The following SKIL variants were observed in gnomAD, a reference collection of about 807,000 sequenced individuals.
SKIL encodes the protein ski-like protein.
Under a neutral mutation model 69.6 loss-of-function variants are expected in SKIL, and 20 were observed. The observed-to-expected ratio is 0.29, with a 90% CI of 0.20 to 0.42. The LOEUF (loss-of-function observed/expected upper bound fraction) is 0.42. Ranked by LOEUF, SKIL falls within the 10% of genes least tolerant of loss-of-function variation. The pLI is 1.00. For missense variants in SKIL, 745 were observed against 783.1 expected (o/e 0.95, Z 0.58); for synonymous variants, 310 against 279.9 (o/e 1.11, Z -1.08).
rs1176664213 is a variant in SKIL at position 170,360,841 on chromosome 3, C to T, written c.510C>T (p.Val170=). 1 of 1,614,174 alleles carries T rather than the reference C, an allele frequency of 6.2e-7. No individual in the cohort carries two copies. The highest frequency in any genetic ancestry group is 8.5e-7 in the Non-Finnish European group (1 of 1,180,036). The change falls in exon 2 of 7, where the codon GTC becomes GTT. Residue 170 remains valine (V), a synonymous_variant. Transcript: ENST00000259119. ...AAAAGAGACTCTGTTTGCCCCAAGT[C>T]TTAAATTCTGTTCTCCGAGAATTTA... ...GGEKRLCLPQ[V]LNSVLREFTL... is the part of the protein sequence containing the mutation.
intron 2 of SKIL, among the ~76,000 whole-genome samples, chr3:170,368,891 T>C (rs1736665973): frequency 6.6e-6 from 1 of 152,214 alleles, no homozygotes; most frequent in Admixed American, 6.5e-5. Context: ...GCCCATTCCA[T>C]TTATTCGGTT....
chr3:170,390,435 A>G lies in SKIL; in HGVS notation c.1642A>G (p.Ile548Val). ...YLKQQEKLNL[I>V]LQKKQQLQME... is the part of the protein sequence containing the mutation. Reference sequence around the variant, plus strand: ...AAAACAACAGGAAAAACTAAACTTGATTTTGCAAAAGAAGCAACAACTTCA... The same window carrying G: ...AAAACAACAGGAAAAACTAAACTTGGTTTTGCAAAAGAAGCAACAACTTCA... Residue 548 changes from isoleucine to valine, a missense_variant, in exon 5 of 7, where the codon ATT becomes GTT. Ile to Val is a conservative substitution (Grantham distance 29, BLOSUM62 3). Transcript: ENST00000259119. The G allele has an allele frequency of 1.2e-6, 2 of 1,612,102 alleles. No individual in the cohort carries two copies. Among genetic ancestry groups the G allele is most frequent in the Non-Finnish European group, 1.7e-6 (2 of 1,178,324 alleles).
At position 170,361,489 on chromosome 3, in the gene SKIL, A is replaced by T. The variant is rs181159136; in HGVS notation, c.1098+60A>T. The T allele has an allele frequency of 4.0e-6, 5 of 1,265,582 alleles. No individual in the cohort carries two copies. The East Asian group carries it at 1.2e-4, about 29-fold the overall frequency. 78.4% of individuals were successfully genotyped at this position (1,265,582 alleles called of 1,614,324 possible). A position where few individuals can be genotyped will look rare whatever the true frequency, so the allele number is the denominator to read the frequency against. On this transcript the variant is annotated intron_variant, in intron 2 of 6. Coordinates refer to ENST00000259119, the MANE Select transcript of SKIL (RefSeq NM_005414.5). Reference sequence around the variant, plus strand: ...TGGTTTACTTTGAAATGAAAATTCTATGTTTAGTGTGTAACTTAACCTGTA... The same window carrying T: ...TGGTTTACTTTGAAATGAAAATTCTTTGTTTAGTGTGTAACTTAACCTGTA...
intron 2 of SKIL, among the ~76,000 whole-genome samples, chr3:170,378,336 T>G (rs1031373544): frequency 2.0e-5 from 3 of 152,202 alleles, no homozygotes; most frequent in Non-Finnish European, 4.4e-5. Flanking sequence ...GGTTTCTTCA[T>G]TCTCATTGAT....
rs142079654 is a variant in SKIL at position 170,360,905 on chromosome 3, A to G, written c.574A>G (p.Ile192Val). The G allele has an allele frequency of 2.1e-4, 334 of 1,614,148 alleles. 3 individuals carry two copies. In the East Asian group the frequency reaches 7.3e-3, roughly 35 times the overall value. Residue 192 changes from isoleucine (I) to valine (V), a missense_variant, in exon 2 of 7, where the codon ATA (isoleucine) becomes GTA (valine). Ile to Val is a conservative substitution (Grantham distance 29, BLOSUM62 3). Transcript: ENST00000259119. Reference protein sequence around the residue: ...QINTVCDELYIYCSRCTSDQL... With the variant: ...QINTVCDELYVYCSRCTSDQL... Reference sequence around the variant, plus strand: ...AAATACAGTGTGTGATGAACTGTACATATATTGTTCAAGGTGTACTTCAGA... The same window carrying G: ...AAATACAGTGTGTGATGAACTGTACGTATATTGTTCAAGGTGTACTTCAGA...
chr3:170,363,528 C>T (rs1448953562), intron 2 of SKIL, among the ~76,000 whole-genome samples: 2 of 152,018 alleles, frequency 1.3e-5, no homozygotes, highest in Non-Finnish European at 2.9e-5. Context: ...TCCTGTTGCC[C>T]AGGCTAGAGC....
At chr3:170,362,371 C>T (rs1266527996) in intron 2 of SKIL, among the ~76,000 whole-genome samples, 3 of 150,238 alleles carry the variant, frequency 2.0e-5, no homozygotes, top group South Asian at 2.1e-4. Context: ...GATGTGGTGT[C>T]GCACACTTGT....
At chr3:170,385,796 CTTTCTTTT>C (rs1178440307) in intron 4 of SKIL, among the ~76,000 whole-genome samples, 1 of 150,116 alleles carries the variant, frequency 6.7e-6, no homozygotes, top group African/African-American at 2.4e-5. Context: ...TTCTTTCTTT[CTTTCTTTT>C]TTTTCTTTTT....
chr3:170,361,583 A>AT (rs1295946151), intron 2 of SKIL, among the ~76,000 whole-genome samples, 154 bp downstream of exon 2: 2 of 152,206 alleles, frequency 1.3e-5, no homozygotes, highest in Non-Finnish European at 2.9e-5. Flanking sequence ...TTTTTAGGCC[A>AT]TAAAGTGCTT....
chr3:170,387,273 C>G (rs1383854598), intron 4 of SKIL, among the ~76,000 whole-genome samples: 1 of 152,102 alleles, frequency 6.6e-6, no homozygotes, highest in East Asian at 1.9e-4. Flanking sequence ...CCACCCGCCT[C>G]GGCCCATAAT....
rs114262287 is a variant in SKIL at position 170,381,380 on chromosome 3, C to T, written c.1196+39C>T. On this transcript the variant is annotated intron_variant, in intron 3 of 6. Coordinates refer to ENST00000259119, the MANE Select transcript of SKIL (RefSeq NM_005414.5). ...TATTTGTTCGTTTGTTCATTCATTT[C>T]TTCATTCAACAACTATATGCCATGC... The T allele has an allele frequency of 3.6e-3, 3,440 of 945,220 alleles. 86 individuals are homozygous for T. In the African/African-American group the frequency reaches 0.049, roughly 13 times the overall value. The allele number at this position is 945,220 out of a possible 1,614,324, so 58.6% of individuals were successfully genotyped here.
intron 2 of SKIL, among the ~76,000 whole-genome samples, chr3:170,365,732 T>C (rs1736466489): frequency 6.7e-6 from 1 of 148,648 alleles, no homozygotes; most frequent in South Asian, 2.1e-4. Context: ...AGGGAGCTCA[T>C]TTTAAAAAGT....
chr3:170,372,987 A>T (rs1736860956), intron 2 of SKIL, among the ~76,000 whole-genome samples: 1 of 81,108 alleles, frequency 1.2e-5, no homozygotes, highest in African/African-American at 3.6e-5. Context: ...AATAATTTTC[A>T]ATTTTTTTTT....
chr3:170,372,277 G>A (rs1413657961), intron 2 of SKIL, among the ~76,000 whole-genome samples: 2 of 152,092 alleles, frequency 1.3e-5, no homozygotes, highest in South Asian at 2.1e-4. Context: ...ACAAGAACTC[G>A]AGCCTTTGCA....
chr3:170,367,263 C>A (rs1352468557), intron 2 of SKIL, among the ~76,000 whole-genome samples: 1 of 151,940 alleles, frequency 6.6e-6, no homozygotes, highest in Non-Finnish European at 1.5e-5. Context: ...TACCCATCAC[C>A]ACGCCTGGCT....
chr3:170,359,192 A>C (rs1426311953), intron 1 of SKIL, among the ~76,000 whole-genome samples: 1 of 152,150 alleles, frequency 6.6e-6, no homozygotes, highest in Non-Finnish European at 1.5e-5. Flanking sequence ...GCTTTACGCA[A>C]CTCCAAATTG....
At chr3:170,383,860 A>G (rs1304350315) in intron 3 of SKIL, among the ~76,000 whole-genome samples, 1 of 152,088 alleles carries the variant, frequency 6.6e-6, no homozygotes, top group Non-Finnish European at 1.5e-5. Flanking sequence ...GGGCAAGATA[A>G]AGTCCTCCAA....
rs538752459 is a variant in SKIL, at chr3:170,370,949, C to CA, written c.1098+9528dup. Reference sequence around the variant, plus strand: ...CAACAGAGCAAGACCCTGTTTTTCTCAAAAAAAACAAGACAAAACAAAACT... The same window carrying CA: ...CAACAGAGCAAGACCCTGTTTTTCTCAAAAAAAAACAAGACAAAACAAAACT... On this transcript the variant is annotated intron_variant, in intron 2 of 6. Coordinates refer to ENST00000259119, the MANE Select transcript of SKIL (RefSeq NM_005414.5). 2.1e-3 allele frequency among the ~76,000 whole-genome samples: 315 copies of CA among 150,630 alleles called. 1 individual carries two copies. The highest frequency in any genetic ancestry group is 6.3e-3 in the African/African-American group (257 of 41,030).
chr3:170,387,583 C>T (rs922775842), intron 4 of SKIL, among the ~76,000 whole-genome samples: 3 of 151,572 alleles, frequency 2.0e-5, no homozygotes, highest in Non-Finnish European at 2.9e-5. Flanking sequence ...TTTATTCCTT[C>T]GTCAGTCGGA....
Sources: allele counts gnomAD v4.1 joint callset (sites outside exome capture counted in the v4.1 genomes callset), GRCh38; gene constraint gnomAD v4.1.1; transcripts MANE v1.5; gene names NCBI Gene and HGNC (gene_info 2026-07-23, HGNC 2026-07-21).